Variants in CHSY3 observed in about 807,000 individuals in gnomAD.
CHSY3 encodes the protein chondroitin sulfate synthase 3.
Under a neutral mutation model 67.2 loss-of-function variants are expected in CHSY3, and 35 were observed. The observed-to-expected ratio is 0.52, with a 90% CI of 0.40 to 0.69. The LOEUF is 0.69. Ranked by LOEUF, CHSY3 falls within the 30% of genes least tolerant of loss-of-function variation. The pLI, the probability that CHSY3 is intolerant of heterozygous loss-of-function variation, is 0.00. For synonymous variants in CHSY3, 474 were observed against 434.7 expected (o/e 1.09, Z -1.12); for missense variants, 1,069 against 1,138.5 (o/e 0.94, Z 0.88).
At chr5:129,926,102 A>G (rs1761100958) in intron 2 of CHSY3, among the ~76,000 whole-genome samples, 2 of 152,010 alleles carry the variant, frequency 1.3e-5, no homozygotes, top group Non-Finnish European at 2.9e-5. Flanking sequence ...TGTCATTGAG[A>G]GTTTCTGAAT....
intron 2 of CHSY3, among the ~76,000 whole-genome samples, chr5:129,999,209 G>A (rs1348696493): frequency 6.7e-6 from 1 of 148,864 alleles, no homozygotes; most frequent in Admixed American, 6.7e-5. Context: ...TATACGTTGA[G>A]ATGGTATCTT....
At chr5:129,928,880 T>C (rs1196426491) in intron 2 of CHSY3, among the ~76,000 whole-genome samples, 3 of 152,158 alleles carry the variant, frequency 2.0e-5, no homozygotes, top group Admixed American at 1.3e-4. Flanking sequence ...CTTTGCCCTA[T>C]GCCACAAATG....
rs1329168394 is a variant in CHSY3, at chr5:130,020,447, ATATATATATATATAT to A, written c.1086+112089_1086+112103del. Among the ~76,000 whole-genome samples, 129 of 37,352 alleles carry A rather than the reference ATATATATATATATAT, an allele frequency of 3.5e-3. 4 individuals are homozygous for A. The highest frequency in any genetic ancestry group is 0.013 in the African/African-American group (109 of 8,356). 24.5% of individuals were successfully genotyped at this position (37,352 alleles called of 152,430 possible). On this transcript the variant is annotated intron_variant, in intron 2 of 2. Transcript: ENST00000305031. ...AATATATATATATATATATATATAT[ATATATATATATATAT>A]TTTTTTTTTTTTTTTTTCCTCTGGC...
intron 2 of CHSY3, among the ~76,000 whole-genome samples, chr5:129,931,976 C>T (rs1300783001): frequency 3.3e-5 from 5 of 151,652 alleles, no homozygotes; most frequent in Non-Finnish European, 7.4e-5. Context: ...ATCTACTCTG[C>T]TAGTTAGGGT....
chr5:129,930,013 G>T (rs935575575), intron 2 of CHSY3, among the ~76,000 whole-genome samples: 4 of 152,096 alleles, frequency 2.6e-5, no homozygotes, highest in African/African-American at 7.2e-5. Flanking sequence ...TGAATGTATT[G>T]GAAGTACTTA....
In CHSY3 at chr5:129,960,406, C is replaced by A. The variant is rs529301233; in HGVS notation, c.1086+52046C>A. ...GGTTGGGATTTTGTCACTGGGTATA[C>A]TTTTTAATAAATAACTTCAAGGATT... On this transcript the variant is annotated intron_variant, in intron 2 of 2. Transcript: ENST00000305031. 1.6e-3 allele frequency among the ~76,000 whole-genome samples: 240 copies of A among 152,016 alleles called. 1 individual carries two copies. The highest frequency in any genetic ancestry group is 5.3e-3 in the African/African-American group (220 of 41,498).
chr5:130,003,863 T>G (rs2149641267), intron 2 of CHSY3, among the ~76,000 whole-genome samples: 1 of 152,316 alleles, frequency 6.6e-6, no homozygotes, highest in African/African-American at 2.4e-5. Flanking sequence ...GTGCCTCATA[T>G]TTTTTGGGAA....
intron 2 of CHSY3, among the ~76,000 whole-genome samples, chr5:130,053,279 A>C (rs1425820455): frequency 1.3e-5 from 2 of 151,760 alleles, no homozygotes; most frequent in Admixed American, 1.3e-4. Flanking sequence ...AAATATAGAC[A>C]ATGAGGGCAG....
At chr5:130,140,845 C>G (rs1386423498) in intron 2 of CHSY3, 4 of 275,664 alleles carry the variant, frequency 1.5e-5, no homozygotes, top group Non-Finnish European at 2.4e-5. Flanking sequence ...AGCATATTCT[C>G]TCTTCCAGCA....
chr5:130,163,731 T>C (rs558342965), intron 2 of CHSY3, among the ~76,000 whole-genome samples: 77 of 152,256 alleles, frequency 5.1e-4, no homozygotes, highest in African/African-American at 1.5e-3. Flanking sequence ...TGGGGGAGGA[T>C]TGAAAATAAT....
chr5:129,977,096 T>C (rs1228324386), intron 2 of CHSY3, among the ~76,000 whole-genome samples: 1 of 152,104 alleles, frequency 6.6e-6, no homozygotes, highest in Admixed American at 6.6e-5. Context: ...ATGGTAGAAA[T>C]TATTAACCCT....
At chr5:130,173,834 C>CTT (rs375425000) in intron 2 of CHSY3, among the ~76,000 whole-genome samples, 15 of 147,860 alleles carry the variant, frequency 1.0e-4, no homozygotes, top group African/African-American at 3.7e-4. Context: ...GAGAATCAGG[C>CTT]TTTTTTTTTT....
intron 2 of CHSY3, among the ~76,000 whole-genome samples, chr5:130,076,159 C>T (rs1383417251): frequency 6.6e-6 from 1 of 152,128 alleles, no homozygotes; most frequent in Non-Finnish European, 1.5e-5. Flanking sequence ...TTTCCTCTAC[C>T]TGGAATGCCC....
At chr5:129,909,934 A>C (rs532017792) in intron 2 of CHSY3, among the ~76,000 whole-genome samples, 25 of 152,086 alleles carry the variant, frequency 1.6e-4, no homozygotes, top group African/African-American at 6.0e-4. Context: ...ATAATATATA[A>C]AATTTTAACC....
intron 2 of CHSY3, among the ~76,000 whole-genome samples, chr5:130,080,033 A>AACAT (rs1766396038): frequency 9.6e-6 from 1 of 104,462 alleles, no homozygotes; most frequent in South Asian, 3.6e-4. Context: ...AATACACCTG[A>AACAT]ACATACACAC....
At chr5:130,091,045 T>C (rs1216617806) in intron 2 of CHSY3, among the ~76,000 whole-genome samples, 6 of 152,106 alleles carry the variant, frequency 3.9e-5, no homozygotes, top group African/African-American at 1.4e-4. Flanking sequence ...TTATATCTCT[T>C]ATTTACCAGA....
At chr5:130,179,194 AG>A (rs1770171830) in intron 2 of CHSY3, among the ~76,000 whole-genome samples, 1 of 152,202 alleles carries the variant, frequency 6.6e-6, no homozygotes, top group African/African-American at 2.4e-5. Flanking sequence ...TACCTTCCAA[AG>A]GATTTTGTTC....
intron 2 of CHSY3, among the ~76,000 whole-genome samples, chr5:130,128,724 C>T (rs536606292): frequency 1.3e-5 from 2 of 152,114 alleles, no homozygotes; most frequent in Admixed American, 6.5e-5. Context: ...ATACATATGT[C>T]TGTGGCCTTG....
At chr5:130,085,996 CT>C (rs1766605076) in intron 2 of CHSY3, among the ~76,000 whole-genome samples, 1 of 152,020 alleles carries the variant, frequency 6.6e-6, no homozygotes, top group Non-Finnish European at 1.5e-5. Flanking sequence ...AATTTCCGTT[CT>C]TTTACATTTG....
Sources: allele counts gnomAD v4.1 joint callset (sites outside exome capture counted in the v4.1 genomes callset), GRCh38; gene constraint gnomAD v4.1.1; transcripts MANE v1.5; gene names NCBI Gene and HGNC (gene_info 2026-07-23, HGNC 2026-07-21).